The following NCKAP5 variants were observed in gnomAD, a reference collection of about 807,000 sequenced individuals.
NCKAP5 encodes the protein NCK associated protein 5, also known as nck-associated protein 5.
NCKAP5 carries 92 observed loss-of-function variants against 167.0 expected under a neutral mutation model. The observed-to-expected ratio is 0.55, with a 90% CI of 0.47 to 0.66. The LOEUF (loss-of-function observed/expected upper bound fraction) is 0.66, where lower values mean the gene tolerates loss of function less well. Ranked by LOEUF, NCKAP5 falls within the 30% of genes least tolerant of loss-of-function variation. The pLI, the probability that NCKAP5 is intolerant of heterozygous loss-of-function variation, is 0.00. For synonymous variants in NCKAP5, 891 were observed against 877.4 expected (o/e 1.02, Z -0.27); for missense variants, 2,378 against 2,315.0 (o/e 1.03, Z -0.56).
chr2:133,454,133 T>G (rs547750380), intron 3 of NCKAP5, among the ~76,000 whole-genome samples: 2 of 152,174 alleles, frequency 1.3e-5, no homozygotes, highest in African/African-American at 4.8e-5. Flanking sequence ...GAAATTAAGC[T>G]TATAAGCTTT....
intron 3 of NCKAP5, among the ~76,000 whole-genome samples, chr2:133,398,628 G>T (rs753660660): frequency 1.3e-5 from 2 of 152,124 alleles, no homozygotes; most frequent in Non-Finnish European, 2.9e-5. Context: ...TTTAACAAAT[G>T]CATATTCTGG....
chr2:133,377,188 T>TTA (rs1342833141), intron 3 of NCKAP5, among the ~76,000 whole-genome samples: 1 of 152,222 alleles, frequency 6.6e-6, no homozygotes, highest in Non-Finnish European at 1.5e-5. Context: ...TATACAGCTA[T>TTA]TATTTCTTAT....
At chr2:133,299,122 C>T (rs751358748) in intron 4 of NCKAP5, among the ~76,000 whole-genome samples, 73 of 151,972 alleles carry the variant, frequency 4.8e-4, no homozygotes, top group Non-Finnish European at 8.8e-4. Flanking sequence ...TTTGTTGTAT[C>T]CTACCAGCAG....
At chr2:132,751,520 C>G (rs1173927406) in intron 16 of NCKAP5, among the ~76,000 whole-genome samples, 2 of 152,134 alleles carry the variant, frequency 1.3e-5, no homozygotes, top group Admixed American at 6.6e-5. Flanking sequence ...ATTCCAGAAG[C>G]CAAGTTTATT....
At chr2:132,795,079 A>G (rs1674643515) in intron 12 of NCKAP5, among the ~76,000 whole-genome samples, 1 of 152,206 alleles carries the variant, frequency 6.6e-6, no homozygotes, top group Non-Finnish European at 1.5e-5. Flanking sequence ...CAACTCTCTG[A>G]AATAGAAAAG....
chr2:132,712,830 T>C (rs1215443932), intron 19 of NCKAP5, among the ~76,000 whole-genome samples: 1 of 152,088 alleles, frequency 6.6e-6, no homozygotes, highest in East Asian at 1.9e-4. Context: ...AAGAGCAATT[T>C]GATGGTCAGG....
At chr2:132,772,285 G>T (rs1484768004) in intron 16 of NCKAP5, among the ~76,000 whole-genome samples, 1 of 152,116 alleles carries the variant, frequency 6.6e-6, no homozygotes, top group Non-Finnish European at 1.5e-5. Context: ...AGAAGACAGG[G>T]CCACTGAAAA....
rs2105042549 is a variant in NCKAP5 at position 132,783,430 on chromosome 2, G to A, written c.3381C>T (p.Ser1127=). The change falls in exon 14 of 20, where the codon AGC becomes AGT. Residue 1127 remains serine, a synonymous_variant. Coordinates refer to ENST00000409261, the MANE Select transcript of NCKAP5 (RefSeq NM_207363.3). The stretch of plus-strand genomic sequence containing the variant: ...TTTGACAACCATGAGGGCTGTTATG[G>A]CTTTTGGCGGGTGATGAGGATGATG... ...SSSSSSSPAK[S]HNSPHGCQSA... is the part of the protein sequence containing the mutation. 3.2e-6 allele frequency: 5 copies of A among 1,586,952 alleles called. No individual in the cohort carries two copies. Among genetic ancestry groups the A allele is most frequent in the Admixed American group, 1.7e-5 (1 of 57,394 alleles).
At chr2:133,293,693 C>A (rs2150525988) in intron 4 of NCKAP5, among the ~76,000 whole-genome samples, 1 of 152,236 alleles carries the variant, frequency 6.6e-6, no homozygotes, top group African/African-American at 2.4e-5. Flanking sequence ...ATAACATAAC[C>A]ATTGAAGCAT....
chr2:132,731,653 A>G (rs1691017830), intron 17 of NCKAP5, 84 bp downstream of exon 17: 6 of 1,405,184 alleles, frequency 4.3e-6, no homozygotes, highest in African/African-American at 1.4e-5. Context: ...CAGGCAGGTC[A>G]CTGACTTACT....
At chr2:133,647,370 A>AG in the NCKAP5 span, among the ~76,000 whole-genome samples, 17 of 101,782 alleles carry the variant, frequency 1.7e-4, no homozygotes, top group African/African-American at 4.6e-4. Context: ...GAAGGAAGGA[A>AG]GAAAGAAAGG....
intron 19 of NCKAP5, among the ~76,000 whole-genome samples, chr2:132,688,389 C>A (rs1427344869): frequency 1.3e-5 from 2 of 152,098 alleles, no homozygotes; most frequent in East Asian, 3.8e-4. Flanking sequence ...ACTTGTTATT[C>A]CACTGAAGAC....
chr2:133,434,224 G>T (rs1574948745), intron 3 of NCKAP5, among the ~76,000 whole-genome samples: 1 of 152,064 alleles, frequency 6.6e-6, no homozygotes, highest in South Asian at 2.1e-4. Context: ...TTTCTATTTT[G>T]CCAGGTGATG....
At chr2:132,695,782 C>T (rs1014793003) in intron 19 of NCKAP5, among the ~76,000 whole-genome samples, 1 of 152,128 alleles carries the variant, frequency 6.6e-6, no homozygotes, top group Non-Finnish European at 1.5e-5. Context: ...TTGCATTTCC[C>T]CCATCTGTCC....
chr2:133,588,016 T>C, the NCKAP5 span, among the ~76,000 whole-genome samples: 1 of 152,100 alleles, frequency 6.6e-6, no homozygotes, highest in East Asian at 1.9e-4. Flanking sequence ...TAGAAACTGT[T>C]AAAATAGAAT....
chr2:132,794,648 T>TAC (rs4057986), intron 12 of NCKAP5, among the ~76,000 whole-genome samples: 14,346 of 142,448 alleles, frequency 0.1, 814 homozygotes, highest in East Asian at 0.21. Flanking sequence ...CAACAACAAA[T>TAC]ACACACACAC....
chr2:133,481,449 A>C (rs1433741422), intron 3 of NCKAP5, among the ~76,000 whole-genome samples: 17 of 152,160 alleles, frequency 1.1e-4, no homozygotes, highest in Admixed American at 1.0e-3. Flanking sequence ...ATTTTTTAAG[A>C]CTTTTAAGTT....
rs573434103 is a variant in NCKAP5, at chr2:132,996,377, A to AG, written c.342-2139dup. Reference sequence around the variant, plus strand: ...TGTATACCTCCAGTGATTCCCCATTAGCTCAAAGTAAAGAGTAAAGGAAAC... The same window carrying AG: ...TGTATACCTCCAGTGATTCCCCATTAGGCTCAAAGTAAAGAGTAAAGGAAAC... On this transcript the variant is annotated intron_variant, in intron 6 of 19. Transcript: ENST00000409261. Among the ~76,000 whole-genome samples the AG allele has an allele frequency of 3.9e-5, 6 of 152,352 alleles. No individual in the cohort carries two copies. The South Asian group carries it at 1.2e-3, about 32-fold the overall frequency.
chr2:132,866,116 A>G (rs983417374), intron 10 of NCKAP5, among the ~76,000 whole-genome samples: 1 of 152,214 alleles, frequency 6.6e-6, no homozygotes, highest in Non-Finnish European at 1.5e-5. Context: ...AAGAAAACAC[A>G]TCATCGAAAT....
Sources: gnomAD v4.1 joint callset for allele counts (sites outside exome capture counted in the v4.1 genomes callset) on GRCh38, gnomAD v4.1.1 for gene constraint, MANE v1.5 for transcripts, NCBI Gene and HGNC (gene_info 2026-07-23, HGNC 2026-07-21) for gene names.